Variants in CELSR1 observed in about 807,000 individuals in gnomAD.
CELSR1 encodes adhesion G protein-coupled receptor C1.
A neutral mutation model predicts 249.1 loss-of-function variants in CELSR1; 110 were observed. The ratio of observed to expected loss-of-function variants is 0.44; its 90% CI spans 0.38 to 0.52. The LOEUF (loss-of-function observed/expected upper bound fraction) is 0.52. Ranked by LOEUF, CELSR1 falls within the 20% of genes least tolerant of loss-of-function variation. The pLI is 0.00. For missense variants in CELSR1, 4,109 were observed against 4,296.4 expected (o/e 0.96, Z 1.22); for synonymous variants, 2,113 against 1,900.0 (o/e 1.11, Z -2.92).
At chr22:46,485,747 C>T (rs1356820143) in intron 1 of CELSR1, among the ~76,000 whole-genome samples, 2 of 152,142 alleles carry the variant, frequency 1.3e-5, no homozygotes, top group Non-Finnish European at 2.9e-5. Flanking sequence ...CAGTGCCTCC[C>T]ACAGTCTGGG....
At position 46,365,213 on chromosome 22, in the gene CELSR1, T is replaced by C; in HGVS notation, c.8554+18A>G. ...CTGTCCACAGCCCAGCCTGGCCCAA[T>C]GTGCCCCACACACTCACCTTTGGGG... On this transcript the variant is annotated intron_variant, in intron 32 of 34. Coordinates refer to ENST00000674500, the MANE Select transcript of CELSR1 (RefSeq NM_001378328.1). 2.5e-6 allele frequency: 4 copies of C among 1,608,416 alleles called. No homozygotes were observed. The highest frequency in any genetic ancestry group is 3.4e-6 in the Non-Finnish European group (4 of 1,178,834).
rs775585378 is a variant in CELSR1 at position 46,463,922 on chromosome 22, C to A, written c.3968G>T (p.Arg1323Leu). ...GAGGAAGGGCGCGGAGCTGTCGAAT[C>A]GCAGAACGGACACGCACTTCATGTA... is the stretch of plus-strand genomic sequence containing the variant. ...ENYMKCVSVL[R>L]FDSSAPFLSS... The change falls in exon 2 of 35, where the codon CGA becomes CTA. Residue 1323 changes from arginine to leucine, a missense_variant. By Grantham distance (102) the Arg-to-Leu change is moderately radical. Around this residue, in one of 7 missense-constraint regions of CELSR1, gnomAD observed 141 missense variants for 209.4 expected, o/e 0.67. Transcript: ENST00000674500. 3.1e-6 allele frequency: 5 copies of A among 1,613,940 alleles called. No homozygotes were observed. Among genetic ancestry groups the A allele is most frequent in the South Asian group, 2.2e-5 (2 of 91,078 alleles).
chr22:46,369,323 G>T, intron 26 of CELSR1, 65 bp from the exon 27 acceptor site: 2 of 1,392,056 alleles, frequency 1.4e-6, no homozygotes, highest in Non-Finnish European at 2.0e-6. Flanking sequence ...ACTGCCAAAA[G>T]CGCCTGAGGC....
At chr22:46,388,219 G>T (rs1482918410) in intron 18 of CELSR1, among the ~76,000 whole-genome samples, 1 of 152,040 alleles carries the variant, frequency 6.6e-6, no homozygotes, top group East Asian at 1.9e-4. Flanking sequence ...CGTGGTGGCG[G>T]GCGCCTGTAA....
chr22:46,461,661 A>G (rs8139582), intron 2 of CELSR1, among the ~76,000 whole-genome samples: 27,116 of 152,228 alleles, frequency 0.18, 3,345 homozygotes, highest in African/African-American at 0.34. Flanking sequence ...CCCCCAGAAC[A>G]GGCTGGGGGA....
rs2080636141 is a variant in CELSR1, at chr22:46,517,134, C to A, written c.3544+16493G>T. Among the ~76,000 whole-genome samples the A allele has an allele frequency of 6.6e-6, 1 of 152,212 alleles. No homozygotes were observed. The highest frequency in any genetic ancestry group is 2.1e-4 in the South Asian group (1 of 4,834). On this transcript the variant is annotated intron_variant, in intron 1 of 34. Coordinates refer to ENST00000674500, the MANE Select transcript of CELSR1 (RefSeq NM_001378328.1). This position sits in a 1 kb window ranked among gnomAD's most constrained non-coding sequence, Gnocchi z 5.4. Reference sequence around the variant, plus strand: ...GATCATTCCCCTGAGGTATACAAACCACCTCCCCATCCCCCACTGCCTCAG... The same window carrying A: ...GATCATTCCCCTGAGGTATACAAACAACCTCCCCATCCCCCACTGCCTCAG...
chr22:46,516,238 A>G (rs886666410), intron 1 of CELSR1, among the ~76,000 whole-genome samples: 7 of 152,234 alleles, frequency 4.6e-5, no homozygotes, highest in Non-Finnish European at 1.0e-4. Flanking sequence ...CTGGATTAAG[A>G]AAATGTGGCA....
chr22:46,520,592 T>C (rs1465329631), intron 1 of CELSR1, among the ~76,000 whole-genome samples: 3 of 151,836 alleles, frequency 2.0e-5, no homozygotes, highest in African/African-American at 2.4e-5. Flanking sequence ...TCCTGAGTAG[T>C]TGGGATTACA....
At chr22:46,481,570 T>C (rs1053492273) in intron 1 of CELSR1, 2 of 978,720 alleles carry the variant, frequency 2.0e-6, no homozygotes, top group Admixed American at 1.9e-5. Context: ...CAGAGGCACA[T>C]GGTGGCACTC....
Position 46,536,832 on chromosome 22 carries a change from G to A in CELSR1, c.339C>T (p.Gly113=). Residue 113 remains glycine (G), a synonymous_variant, in exon 1 of 35, where the codon GGC becomes GGT. Transcript: ENST00000674500. ...RRLRARTHLP[G]CGARARLCGT... ...CGCAGAGCCGGGCACGGGCTCCGCA[G>A]CCGGGAAGGTGCGTGCGCGCCCGCA... 8.2e-7 allele frequency: 1 copy of A among 1,216,924 alleles called. No homozygotes were observed. Among genetic ancestry groups the A allele is most frequent in the Non-Finnish European group, 1.0e-6 (1 of 977,458 alleles). The allele number at this position is 1,216,924 out of a possible 1,614,324, so 75.4% of individuals were successfully genotyped here.
intron 1 of CELSR1, among the ~76,000 whole-genome samples, chr22:46,475,863 T>C (rs2080202961): frequency 6.6e-6 from 1 of 152,172 alleles, no homozygotes; most frequent in Non-Finnish European, 1.5e-5. Context: ...TTTAATACTA[T>C]TAAGTTGTTC....
intron 32 of CELSR1, 98 bp downstream of exon 32, chr22:46,365,133 G>T: frequency 6.9e-7 from 1 of 1,455,088 alleles, no homozygotes; most frequent in South Asian, 1.3e-5. Context: ...CAGTGCTGCT[G>T]GGCATATCCT....
In CELSR1 at chr22:46,517,668, A is replaced by C. The variant is rs185678483; in HGVS notation, c.3544+15959T>G. Among the ~76,000 whole-genome samples, 25 of 152,316 alleles carry C rather than the reference A, an allele frequency of 1.6e-4. No homozygotes were observed. The highest frequency in any genetic ancestry group is 9.8e-4 in the Admixed American group (15 of 15,300). Reference sequence around the variant, plus strand: ...GGACAGACAGGAAGTCTCACAGAACAATAAACCTTCATATTTTCCATTCTC... The same window carrying C: ...GGACAGACAGGAAGTCTCACAGAACCATAAACCTTCATATTTTCCATTCTC... On this transcript the variant is annotated intron_variant, in intron 1 of 34. Coordinates refer to ENST00000674500, the MANE Select transcript of CELSR1 (RefSeq NM_001378328.1). The surrounding 1 kb of genome is among the most constrained non-coding windows in gnomAD (Gnocchi z 5.4).
In CELSR1 at chr22:46,536,870, G is replaced by C. The variant is rs2080864012; in HGVS notation, c.301C>G (p.Leu101Val). Residue 101 changes from leucine to valine, a missense_variant, in exon 1 of 35, where the codon CTG becomes GTG. Leu to Val is a conservative substitution (Grantham distance 32, BLOSUM62 1). This residue lies in a region of CELSR1 where 673 missense variants were observed against 636.8 expected (regional missense o/e 1.06). Transcript: ENST00000674500. ...GTGCGCGCCCGCAGGCGGCGGCTCA[G>C]CGCCGTCGGGGCACTGCGGGCCACC... ...RLVARSAPTA[L>V]SRRLRARTHL... 15 of 1,233,472 alleles carry C rather than the reference G, an allele frequency of 1.2e-5. No individual in the cohort carries two copies. Among genetic ancestry groups the C allele is most frequent in the Admixed American group, 7.7e-5 (2 of 25,842 alleles). 76.4% of individuals were successfully genotyped at this position (1,233,472 alleles called of 1,614,324 possible).
intron 2 of CELSR1, among the ~76,000 whole-genome samples, chr22:46,452,380 C>T (rs1297732047): frequency 2.6e-5 from 4 of 152,200 alleles, no homozygotes; most frequent in South Asian, 2.1e-4. Context: ...ACAAACACAG[C>T]GTCTCCTGGG....
chr22:46,466,289 C>T (rs180855952), intron 1 of CELSR1, among the ~76,000 whole-genome samples: 40 of 152,358 alleles, frequency 2.6e-4, no homozygotes, highest in African/African-American at 8.9e-4. Flanking sequence ...GCCTCCACTG[C>T]CCTGCCCTGC....
chr22:46,535,999 C>G lies in CELSR1; in HGVS notation c.1172G>C (p.Arg391Pro), dbSNP rs751936590. Residue 391 changes from arginine (R) to proline (P), a missense_variant, in exon 1 of 35, where the codon CGC becomes CCC. Around this residue, in one of 7 missense-constraint regions of CELSR1, gnomAD observed 673 missense variants for 636.8 expected, o/e 1.06. Coordinates refer to ENST00000674500, the MANE Select transcript of CELSR1 (RefSeq NM_001378328.1). ...DSPINANLRY[R>P]VLGGAWDVFQ... ...GACGTCCCACGCGCCCCCCAACACG[C>G]GGTAACGCAAGTTGGCGTTGATGGG... 1.2e-6 allele frequency: 2 copies of G among 1,610,800 alleles called. No individual in the cohort carries two copies. The highest frequency in any genetic ancestry group is 1.7e-5 in the Admixed American group (1 of 60,002).
chr22:46,491,194 C>CAA (rs57470786), intron 1 of CELSR1, among the ~76,000 whole-genome samples: 2 of 150,730 alleles, frequency 1.3e-5, no homozygotes, highest in Non-Finnish European at 2.9e-5. Context: ...GACATGGCCA[C>CAA]GTCTCCTAGG....
At chr22:46,466,793 A>G (rs2080101278) in intron 1 of CELSR1, among the ~76,000 whole-genome samples, 1 of 152,178 alleles carries the variant, frequency 6.6e-6, no homozygotes, top group Non-Finnish European at 1.5e-5. Flanking sequence ...TCAAAATTCT[A>G]ACCCAAGGGG....
Sources: allele counts gnomAD v4.1 joint callset (sites outside exome capture counted in the v4.1 genomes callset), GRCh38; gene constraint gnomAD v4.1.1; regional missense constraint gnomAD v4.1.1; non-coding constraint Gnocchi (gnomAD v3.1); transcripts MANE v1.5; gene names NCBI Gene and HGNC (gene_info 2026-07-23, HGNC 2026-07-21).